Variants in VARS1 observed in about 807,000 individuals in gnomAD.
VARS1 encodes the protein valyl-tRNA synthetase 1.
Under a neutral mutation model 161.0 loss-of-function variants are expected in VARS1, and 92 were observed. The ratio of observed to expected loss-of-function variants is 0.57; its 90% CI spans 0.48 to 0.68. The LOEUF is 0.68. Among genes scored for constraint, VARS1 ranks in the 30% least tolerant of loss-of-function variants. The probability of loss-of-function intolerance (pLI) is 0.00; values close to 1 mark genes in which losing one functional copy is unlikely to be tolerated. For missense variants in VARS1, 1,338 were observed against 1,695.9 expected, an observed-to-expected ratio of 0.79 and a Z score of 3.71; for synonymous variants, 595 against 682.5, an observed-to-expected ratio of 0.87 and a Z score of 2.00.
Position 31,777,715 on chromosome 6 carries a change from C to T in VARS1, c.3727-53G>A. 6.3e-7 allele frequency: 1 copy of T among 1,582,288 alleles called. No individual in the cohort carries two copies. The highest frequency in any genetic ancestry group is 8.6e-7 in the Non-Finnish European group (1 of 1,161,214). ...GACCCAGGTCCAAGTGAAGAGACCC[C>T]CAAACACCCAGGACAACAAAGTTGG... On this transcript the variant is annotated intron_variant, in intron 29 of 29. Transcript: ENST00000375663. The surrounding 1 kb of genome is among the most constrained non-coding windows in gnomAD (Gnocchi z 5.8).
intron 13 of VARS1, 26 bp from the exon 14 acceptor site, chr6:31,783,212 G>GC (rs1450092478): frequency 1.2e-6 from 2 of 1,607,518 alleles, no homozygotes; most frequent in Admixed American, 3.4e-5. Flanking sequence ...TACCAAAAAC[G>GC]CATGAAGCAG....
intron 8 of VARS1, among the ~76,000 whole-genome samples, chr6:31,786,869 T>C (rs1435493043): frequency 1.3e-5 from 2 of 151,904 alleles, no homozygotes; most frequent in Non-Finnish European, 2.9e-5. Context: ...TTGAAACAAC[T>C]AGCTAATTAT....
rs1248626119 is a variant in VARS1 at position 31,779,829 on chromosome 6, G to T, written c.3082-15C>A. 2 of 1,612,548 alleles carry T rather than the reference G, an allele frequency of 1.2e-6. No homozygotes were observed. Among genetic ancestry groups the T allele is most frequent in the East Asian group, 2.2e-5 (1 of 44,866 alleles). ...TTCAGGCACTCCTAGGGGACGAGAG[G>T]TACAGGGCTCACGGCTGGAGGTCTA... On this transcript the variant is annotated splice_polypyrimidine_tract_variant and intron_variant, in intron 26 of 29. Transcript: ENST00000375663. The surrounding 1 kb of genome is among the most constrained non-coding windows in gnomAD (Gnocchi z 9.1).
chr6:31,795,269 A>G lies in VARS1; in HGVS notation c.-33-19T>C. The G allele has an allele frequency of 7.3e-7, 1 of 1,366,762 alleles. No homozygotes were observed. Among genetic ancestry groups the G allele is most frequent in the Non-Finnish European group, 9.5e-7 (1 of 1,056,626 alleles). The allele number at this position is 1,366,762 out of a possible 1,614,324, so 84.7% of individuals were successfully genotyped here. A position where few individuals can be genotyped will look rare whatever the true frequency, so the allele number is the denominator to read the frequency against. ...GAAAAACCTAAGGAGAAAGAGAGAC[A>G]GGGGAAGACTGCGGGATCGAGGTGG... On this transcript the variant is annotated intron_variant, in intron 1 of 29. Transcript: ENST00000375663. The surrounding 1 kb of genome is among the most constrained non-coding windows in gnomAD (Gnocchi z 6.9).
Position 31,780,885 on chromosome 6 carries a change from C to T in VARS1, c.2703G>A (p.Lys901=), listed in dbSNP as rs771683204. Residue 901 remains lysine, a synonymous_variant, in exon 23 of 30, where the codon AAG becomes AAA. Coordinates refer to ENST00000375663, the MANE Select transcript of VARS1 (RefSeq NM_006295.3). This position sits in a 1 kb window ranked among gnomAD's most constrained non-coding sequence, Gnocchi z 5.1. ...NSNLDPSEVE[K]AKEGQKADFP... ...CCCTCCATACCTGCCCTTCTTTGGC[C>T]TTCTCCACCTCGCTGGGATCCAGGT... The T allele has an allele frequency of 1.9e-6, 3 of 1,614,204 alleles. No homozygotes were observed. The highest frequency in any genetic ancestry group is 3.3e-5 in the Admixed American group (2 of 60,024).
At position 31,779,683 on chromosome 6, in the gene VARS1, C is replaced by T. The variant is rs548509302; in HGVS notation, c.3213G>A (p.Leu1071=). The part of the protein sequence containing the change: ...SPFMPFVTEE[L]FQRLPRRMPQ... ...GCATCCTCCGGGGCAGCCTCTGGAA[C>T]AGCTCCTCCGTCACGAAGGGCATGA... The change falls in exon 27 of 30, where the codon CTG becomes CTA. Residue 1071 remains leucine, a synonymous_variant. Transcript: ENST00000375663. This position sits in a 1 kb window ranked among gnomAD's most constrained non-coding sequence, Gnocchi z 9.1. The T allele has an allele frequency of 7.4e-6, 12 of 1,613,002 alleles. No homozygotes were observed. Among genetic ancestry groups the T allele is most frequent in the East Asian group, 2.2e-5 (1 of 44,882 alleles).
Position 31,779,304 on chromosome 6 carries a change from GGAGA to G in VARS1, c.3401-16_3401-13del, listed in dbSNP as rs1341532627. The G allele has an allele frequency of 6.2e-7, 1 of 1,601,788 alleles. No homozygotes were observed. Reference sequence around the variant, plus strand: ...CACTTCCAGGAAACCTGCCAGGGAGGGAGAAAGGTGAGGCCTAGCTCCATGGAGA... The same window carrying G: ...CACTTCCAGGAAACCTGCCAGGGAGGAAGGTGAGGCCTAGCTCCATGGAGA... On this transcript the variant is annotated splice_polypyrimidine_tract_variant and intron_variant, in intron 28 of 29. Transcript: ENST00000375663. The surrounding 1 kb of genome is among the most constrained non-coding windows in gnomAD (Gnocchi z 9.1).
intron 2 of VARS1, among the ~76,000 whole-genome samples, chr6:31,793,905 C>A (rs1360771137): frequency 6.6e-6 from 1 of 151,846 alleles, no homozygotes; most frequent in Non-Finnish European, 1.5e-5. Flanking sequence ...GAGTTCGAGA[C>A]CAGCCTGGTC....
chr6:31,794,289 C>T (rs1158113841), intron 2 of VARS1, among the ~76,000 whole-genome samples: 1 of 152,094 alleles, frequency 6.6e-6, no homozygotes, highest in South Asian at 2.1e-4. Flanking sequence ...TCAAGAAATA[C>T]TAATTTTCCA....
chr6:31,792,283 T>C lies in VARS1; in HGVS notation c.805A>G (p.Lys269Glu). ...ACCCCAGGATCCCGTTTCTCCCTCT[T>C]CTCTGGTTTTGGTTTCTTCTGCTTG... ...PPGEKKPKPE[K>E]REKRDPGVIT... The change falls in exon 6 of 30, where the codon AAG (lysine) becomes GAG (glutamate). Residue 269 changes from lysine (K) to glutamate (E), a missense_variant. Transcript: ENST00000375663. 6.2e-7 allele frequency: 1 copy of C among 1,613,798 alleles called. No individual in the cohort carries two copies. The highest frequency in any genetic ancestry group is 2.2e-5 in the East Asian group (1 of 44,842).
At position 31,784,270 on chromosome 6, in the gene VARS1, C is replaced by T. The variant is rs1226248117; in HGVS notation, c.1615G>A (p.Glu539Lys). Residue 539 changes from glutamate (E) to lysine (K), a missense_variant, in exon 13 of 30, where the codon GAG (glutamate) becomes AAG (lysine). Transcript: ENST00000375663. The surrounding 1 kb of genome is among the most constrained non-coding windows in gnomAD (Gnocchi z 6.1). ...EEVVVATTRI[E>K]TMLGDVAVAV... ...ACAGCCACATCTCCCAGCATTGTCT[C>T]GATCCGAGTTGTTGCCACCACCACC... 2.5e-6 allele frequency: 4 copies of T among 1,614,094 alleles called. No individual in the cohort carries two copies. The highest frequency in any genetic ancestry group is 3.4e-6 in the Non-Finnish European group (4 of 1,180,052).
At position 31,794,954 on chromosome 6, in the gene VARS1, C is replaced by T. The variant is rs1460035112; in HGVS notation, c.264G>A (p.Gly88=). 1.2e-6 allele frequency: 2 copies of T among 1,612,628 alleles called. No individual in the cohort carries two copies. Among genetic ancestry groups the T allele is most frequent in the South Asian group, 2.2e-5 (2 of 91,072 alleles). Residue 88 remains glycine (G), a synonymous_variant, in exon 2 of 30, where the codon GGG becomes GGA. Coordinates refer to ENST00000375663, the MANE Select transcript of VARS1 (RefSeq NM_006295.3). ...GGACAAGGACAGCCGCCCGGCTGCCCCCTGGGCCCCCCAGGCCTGCTGGCC... is the reference window on the plus strand; with the variant it reads ...GGACAAGGACAGCCGCCCGGCTGCCTCCTGGGCCCCCCAGGCCTGCTGGCC... ...LLWPAGLGGP[G]GSRAAVLVQQ...
Position 31,781,584 on chromosome 6 carries a change from T to C in VARS1, c.2441A>G (p.Tyr814Cys). 1 of 1,612,142 alleles carries C rather than the reference T, an allele frequency of 6.2e-7. No homozygotes were observed. The highest frequency in any genetic ancestry group is 1.3e-5 in the African/African-American group (1 of 74,726). Reference protein sequence around the residue: ...PNQSEDLSVFYPGTLLETGHD... With the variant: ...PNQSEDLSVFCPGTLLETGHD... ...ACCGGTCTCCAGCAGTGTCCCGGGG[T>C]AGAACACACTCAGGTCTTCTGACTG... The change falls in exon 21 of 30, where the codon TAC (tyrosine) becomes TGC (cysteine). Residue 814 changes from tyrosine (Y) to cysteine (C), a missense_variant. By Grantham distance (194) the Tyr-to-Cys change is radical. Around this residue, in one of 3 missense-constraint regions of VARS1, gnomAD observed 902 missense variants for 1,090.3 expected, o/e 0.83. Transcript: ENST00000375663. This position sits in a 1 kb window ranked among gnomAD's most constrained non-coding sequence, Gnocchi z 6.8.
Position 31,781,262 on chromosome 6 carries a change from T to C in VARS1, c.2545-139A>G. 1 of 1,185,422 alleles carries C rather than the reference T, an allele frequency of 8.4e-7. No individual in the cohort carries two copies. The highest frequency in any genetic ancestry group is 1.2e-6 in the Non-Finnish European group (1 of 839,708). 73.4% of individuals were successfully genotyped at this position (1,185,422 alleles called of 1,614,324 possible). On this transcript the variant is annotated intron_variant, in intron 21 of 29. Coordinates refer to ENST00000375663, the MANE Select transcript of VARS1 (RefSeq NM_006295.3). This position sits in a 1 kb window ranked among gnomAD's most constrained non-coding sequence, Gnocchi z 6.8. Reference sequence around the variant, plus strand: ...TGTCCCCAAGAGCTCGTTGAGCGCCTTTATGTGAATCAGAAGCACTCCTTC... The same window carrying C: ...TGTCCCCAAGAGCTCGTTGAGCGCCCTTATGTGAATCAGAAGCACTCCTTC...
chr6:31,787,599 C>T (rs574916664), intron 8 of VARS1, among the ~76,000 whole-genome samples: 58 of 151,604 alleles, frequency 3.8e-4, no homozygotes, highest in African/African-American at 1.2e-3. Flanking sequence ...GAGACGAGAT[C>T]GCGTCACTGC....
At position 31,780,336 on chromosome 6, in the gene VARS1, G is replaced by A. The variant is rs184130589; in HGVS notation, c.2925+105C>T. ...AATGCGCTGGGCTTTCCCTTTAACT[G>A]TCTGTCTCTGTGTCTATCTGTCCCC... On this transcript the variant is annotated intron_variant, in intron 25 of 29. Coordinates refer to ENST00000375663, the MANE Select transcript of VARS1 (RefSeq NM_006295.3). The surrounding 1 kb of genome is among the most constrained non-coding windows in gnomAD (Gnocchi z 5.1). The A allele has an allele frequency of 5.3e-6, 8 of 1,506,442 alleles. No homozygotes were observed. Among genetic ancestry groups the A allele is most frequent in the South Asian group, 1.3e-5 (1 of 74,700 alleles). 93.3% of individuals were successfully genotyped at this position (1,506,442 alleles called of 1,614,324 possible).
At chr6:31,786,660 T>C (rs1436488923) in intron 8 of VARS1, among the ~76,000 whole-genome samples, 1 of 99,532 alleles carries the variant, frequency 1.0e-5, no homozygotes, top group Non-Finnish European at 1.8e-5. Context: ...AGTGAGACTC[T>C]GTCTCAAAAA....
At position 31,781,176 on chromosome 6, in the gene VARS1, T is replaced by C; in HGVS notation, c.2545-53A>G. 2 of 1,589,176 alleles carry C rather than the reference T, an allele frequency of 1.3e-6. No homozygotes were observed. Among genetic ancestry groups the C allele is most frequent in the Non-Finnish European group, 8.6e-7 (1 of 1,163,020 alleles). The stretch of plus-strand genomic sequence containing the variant: ...GACTCAGTCCTCTCCTTCCCCGGCC[T>C]CAGTGCCCCGACCAGGACTGTGTCT... On this transcript the variant is annotated intron_variant, in intron 21 of 29. Transcript: ENST00000375663. The surrounding 1 kb of genome is among the most constrained non-coding windows in gnomAD (Gnocchi z 6.8).
In VARS1 at chr6:31,795,080, CG is replaced by C; in HGVS notation, c.137del (p.Pro46ArgfsTer62). ...GTGGGGGAAAGGGAGTCCTGCTAGTCGGGGGTGGCTGGAGACAGATGCGGGG... is the reference window on the plus strand; with the variant it reads ...GTGGGGGAAAGGGAGTCCTGCTAGTCGGGGTGGCTGGAGACAGATGCGGGG... ...AHPRICLQPP[P>X]TSRTPFPPPR... On this transcript the variant is annotated frameshift_variant, in exon 2 of 30. Transcript: ENST00000375663. LOFTEE classifies it high-confidence loss of function. This position sits in a 1 kb window ranked among gnomAD's most constrained non-coding sequence, Gnocchi z 6.9. 2.0e-6 allele frequency: 3 copies of C among 1,505,326 alleles called. No individual in the cohort carries two copies. Among genetic ancestry groups the C allele is most frequent in the Admixed American group, 2.3e-5 (1 of 42,604 alleles). 93.2% of individuals were successfully genotyped at this position (1,505,326 alleles called of 1,614,324 possible). A position where few individuals can be genotyped will look rare whatever the true frequency, so the allele number is the denominator to read the frequency against.
Sources: gnomAD v4.1 joint callset for allele counts (sites outside exome capture counted in the v4.1 genomes callset) on GRCh38, gnomAD v4.1.1 for gene constraint, gnomAD v4.1.1 regional missense constraint, Gnocchi (gnomAD v3.1) non-coding constraint, MANE v1.5 for transcripts, NCBI Gene and HGNC (gene_info 2026-07-23, HGNC 2026-07-21) for gene names.